Variants in ZWILCH observed in about 807,000 individuals in gnomAD.
The protein encoded by ZWILCH is zwilch kinetochore protein.
In ZWILCH, 74 loss-of-function variants were observed where a neutral mutation model predicts 79.9. The observed-to-expected ratio is 0.93, with a 90% confidence interval of 0.77 to 1.12. ZWILCH has a LOEUF of 1.12. Among genes scored for constraint, ZWILCH ranks in the 50% most tolerant of loss-of-function variants. ZWILCH has a pLI of 0.00. For missense variants in ZWILCH, 694 were observed against 687.5 expected (o/e 1.01, Z -0.11); for synonymous variants, 241 against 228.2 (o/e 1.06, Z -0.51).
chr15:66,526,653 G>T (rs1453221957), intron 8 of ZWILCH, among the ~76,000 whole-genome samples: 1 of 151,728 alleles, frequency 6.6e-6, no homozygotes, highest in Non-Finnish European at 1.5e-5. Flanking sequence ...TAGTAGAGAC[G>T]GGGTTTCACC....
intron 17 of ZWILCH, among the ~76,000 whole-genome samples, chr15:66,542,851 TG>T (rs1295364110): frequency 6.6e-6 from 1 of 152,158 alleles, no homozygotes; most frequent in African/African-American, 2.4e-5. Context: ...GAATAAACCA[TG>T]CTCAACCTCA....
At chr15:66,538,696 G>T (rs62011922) in intron 16 of ZWILCH, among the ~76,000 whole-genome samples, 1 of 152,094 alleles carries the variant, frequency 6.6e-6, no homozygotes, top group Non-Finnish European at 1.5e-5. Flanking sequence ...CAGTAAGCAC[G>T]TATAAGGCTG....
At chr15:66,509,622 A>G (rs1271857329) in intron 2 of ZWILCH, among the ~76,000 whole-genome samples, 1 of 151,982 alleles carries the variant, frequency 6.6e-6, no homozygotes, top group Non-Finnish European at 1.5e-5. Context: ...GCTGCTATAA[A>G]CATTCATATA....
Position 66,519,048 on chromosome 15 carries a change from G to A in ZWILCH, c.490G>A (p.Gly164Arg), listed in dbSNP as rs377460492. 1.4e-5 allele frequency: 23 copies of A among 1,614,186 alleles called. No individual in the cohort carries two copies. Among genetic ancestry groups the A allele is most frequent in the African/African-American group, 9.3e-5 (7 of 75,048 alleles). ...TATCACAACAAACAACAGCATTACA[G>A]GAATTGTCTTATATGTGGTCAGTTG... is the stretch of plus-strand genomic sequence containing the variant. ...ELITTNNSIT[G>R]IVLYVVSCKA... The change falls in exon 5 of 19, where the codon GGA becomes AGA. Residue 164 changes from glycine to arginine, a missense_variant. Transcript: ENST00000307897.
intron 12 of ZWILCH, among the ~76,000 whole-genome samples, chr15:66,530,237 AGG>A (rs1311539506): frequency 3.9e-5 from 6 of 152,258 alleles, no homozygotes; most frequent in African/African-American, 1.4e-4. Context: ...TTTGATAAAA[AGG>A]AATATACACA....
rs138515313 is a variant in ZWILCH, at chr15:66,507,530, A to G, written c.54-1311A>G. 2.5e-4 allele frequency among the ~76,000 whole-genome samples: 38 copies of G among 152,322 alleles called. 1 individual carries two copies. The highest frequency in any genetic ancestry group is 8.7e-4 in the African/African-American group (36 of 41,570). The stretch of plus-strand genomic sequence containing the variant: ...GTGAGTTCCTCTTGGCTTTCAGGTT[A>G]AAGTTTAAGCCCTATAGCTAAATTT... On this transcript the variant is annotated intron_variant, in intron 1 of 18. Transcript: ENST00000307897.
At chr15:66,510,611 A>G (rs1392597268) in intron 2 of ZWILCH, among the ~76,000 whole-genome samples, 1 of 152,182 alleles carries the variant, frequency 6.6e-6, no homozygotes, top group Non-Finnish European at 1.5e-5. Flanking sequence ...TAGAGCTGCT[A>G]TAGCAAAATA....
At chr15:66,532,200 T>G in intron 12 of ZWILCH, 47 bp from the exon 13 acceptor site, 1 of 1,434,470 alleles carries the variant, frequency 7.0e-7, no homozygotes, top group Admixed American at 2.5e-5. Context: ...TTGTTGGGTT[T>G]ATTTATATAT....
chr15:66,510,512 A>G (rs961712712), intron 2 of ZWILCH, among the ~76,000 whole-genome samples: 1 of 152,228 alleles, frequency 6.6e-6, no homozygotes, highest in Non-Finnish European at 1.5e-5. Flanking sequence ...AATTCTCACT[A>G]GCCAAACTCA....
intron 2 of ZWILCH, among the ~76,000 whole-genome samples, chr15:66,509,706 T>C (rs1893960349): frequency 6.7e-6 from 1 of 149,994 alleles, no homozygotes; most frequent in African/African-American, 2.5e-5. Context: ...AAAACCTATG[T>C]CCATGAAATA....
chr15:66,523,091 G>A (rs1465740779), intron 7 of ZWILCH, among the ~76,000 whole-genome samples: 2 of 152,180 alleles, frequency 1.3e-5, no homozygotes, highest in Non-Finnish European at 2.9e-5. Flanking sequence ...CCAGAGTGCT[G>A]GGATTACAGG....
Position 66,520,646 on chromosome 15 carries a change from C to G in ZWILCH, c.577C>G (p.His193Asp), listed in dbSNP as rs773605455. ...ENLKNLHKKR[H>D]HLSTVTSKGF... ...CCTAAAAAATTTACACAAGAAAAGA[C>G]ATCACTTGTCTACTGTAAGTGTTTT... The change falls in exon 6 of 19, where the codon CAT becomes GAT. Residue 193 changes from histidine (H) to aspartate (D), a missense_variant. By Grantham distance (81) the His-to-Asp change is moderately conservative (BLOSUM62 -1). Coordinates refer to ENST00000307897, the MANE Select transcript of ZWILCH (RefSeq NM_017975.5). 6.4e-7 allele frequency: 1 copy of G among 1,554,724 alleles called. No homozygotes were observed. Among genetic ancestry groups the G allele is most frequent in the South Asian group, 1.1e-5 (1 of 88,272 alleles).
At chr15:66,528,082 G>A (rs1894738755) in intron 10 of ZWILCH, among the ~76,000 whole-genome samples, 170 bp downstream of exon 10, 2 of 152,168 alleles carry the variant, frequency 1.3e-5, no homozygotes, top group South Asian at 4.1e-4. Context: ...TTTTCCTTAA[G>A]AAATGATAAA....
chr15:66,508,810 T>G, intron 1 of ZWILCH, 31 bp from the exon 2 acceptor site: 1 of 1,613,658 alleles, frequency 6.2e-7, no homozygotes, highest in South Asian at 1.1e-5. Flanking sequence ...ATAATGTAGT[T>G]CTGTTTTTCA....
In ZWILCH at chr15:66,518,914, C is replaced by A. The variant is rs1330952547; in HGVS notation, c.356C>A (p.Pro119His). 1 of 1,614,200 alleles carries A rather than the reference C, an allele frequency of 6.2e-7. No individual in the cohort carries two copies. The highest frequency in any genetic ancestry group is 8.5e-7 in the Non-Finnish European group (1 of 1,180,030). ...GGACTTTACACCATGGCTCACAATC[C>A]TAATATGACCCATTTGAAGATTAAT... The part of the protein sequence containing the change: ...LIGLYTMAHN[P>H]NMTHLKINLP... Residue 119 changes from proline (P) to histidine (H), a missense_variant, in exon 5 of 19, where the codon CCT becomes CAT. Coordinates refer to ENST00000307897, the MANE Select transcript of ZWILCH (RefSeq NM_017975.5).
At chr15:66,547,824 T>A (rs1266722199) in intron 18 of ZWILCH, 1 of 152,250 alleles carries the variant, frequency 6.6e-6, no homozygotes, top group East Asian at 1.9e-4. Flanking sequence ...TCTTTCTCTG[T>A]TGCACAGGCT....
chr15:66,547,201 T>TTTC (rs1469002067), intron 18 of ZWILCH: 2 of 139,014 alleles, frequency 1.4e-5, no homozygotes, highest in Non-Finnish European at 3.1e-5. Context: ...TTTTTTTTTT[T>TTTC]TTTTTTTTTT....
intron 17 of ZWILCH, among the ~76,000 whole-genome samples, chr15:66,542,456 G>A (rs1567053412): frequency 6.6e-6 from 1 of 152,136 alleles, no homozygotes; most frequent in Admixed American, 6.5e-5. Context: ...GTGGTGGCAT[G>A]TGCCTGTAGT....
chr15:66,523,386 C>G (rs1246448728), intron 7 of ZWILCH: 1 of 262,334 alleles, frequency 3.8e-6, no homozygotes, highest in Non-Finnish European at 7.1e-6. Context: ...CCTGGAAATT[C>G]CTTGGGAAAA....
Sources: allele counts gnomAD v4.1 joint callset (sites outside exome capture counted in the v4.1 genomes callset), GRCh38; gene constraint gnomAD v4.1.1; transcripts MANE v1.5; gene names NCBI Gene and HGNC (gene_info 2026-07-23, HGNC 2026-07-21).